COL11A2: variants seen among roughly 807,000 people sequenced by gnomAD.
COL11A2 encodes collagen alpha-2(XI) chain.
COL11A2 carries 116 observed loss-of-function variants against 273.4 expected under a neutral mutation model. The ratio of observed to expected loss-of-function variants is 0.42; its 90% CI spans 0.36 to 0.49. COL11A2 has a LOEUF of 0.49. Among genes scored for constraint, COL11A2 ranks in the 20% least tolerant of loss-of-function variants. The pLI is 0.00. For synonymous variants in COL11A2, 782 were observed against 864.2 expected, an observed-to-expected ratio of 0.90 and a Z score of 1.67; for missense variants, 1,866 against 2,309.0, an observed-to-expected ratio of 0.81 and a Z score of 3.93.
Position 33,179,900 on chromosome 6 carries a change from C to A in COL11A2, c.1360-95G>T. 8.6e-7 allele frequency: 1 copy of A among 1,167,398 alleles called. No individual in the cohort carries two copies. Among genetic ancestry groups the A allele is most frequent in the East Asian group, 2.4e-5 (1 of 42,360 alleles). 72.3% of individuals were successfully genotyped at this position (1,167,398 alleles called of 1,614,324 possible). ...TCTCCAGCGTTTCTGCCCCTTGCCC[C>A]AGGTTCTGCCCATCCAGCATTTCCC... On this transcript the variant is annotated intron_variant, in intron 12 of 65. Transcript: ENST00000341947. The surrounding 1 kb of genome is among the most constrained non-coding windows in gnomAD (Gnocchi z 6.4).
intron 3 of COL11A2, 57 bp downstream of exon 3, chr6:33,188,921 G>A: frequency 6.3e-7 from 1 of 1,584,172 alleles, no homozygotes; most frequent in East Asian, 2.2e-5. Context: ...TAGGGGTTTG[G>A]GGGCACTTCC....
chr6:33,184,998 A>G lies in COL11A2; in HGVS notation c.933T>C (p.Leu311=). 6.4e-7 allele frequency: 1 copy of G among 1,551,160 alleles called. No individual in the cohort carries two copies. The highest frequency in any genetic ancestry group is 8.7e-7 in the Non-Finnish European group (1 of 1,146,650). Residue 311 remains leucine (L), a synonymous_variant, in exon 7 of 66, where the codon CTT becomes CTC. Transcript: ENST00000341947. ...EILESSLLPP[L]EEEQTDLQVP... ...GGGTGGGGCATAGAGTTACCTCCTC[A>G]AGGGGTGGCAAGAGGCTCGACTCCA...
rs530248750 is a variant in COL11A2, at chr6:33,173,800, G to A, written c.2584-55C>T. On this transcript the variant is annotated intron_variant, in intron 34 of 65. Coordinates refer to ENST00000341947, the MANE Select transcript of COL11A2 (RefSeq NM_080680.3). This position sits in a 1 kb window ranked among gnomAD's most constrained non-coding sequence, Gnocchi z 6.3. ...GAAGAGCTGCTTTCCAGCTGTCCCC[G>A]AGGTCAGGATGTTGAGGGAGAGCTG... The A allele has an allele frequency of 1.3e-4, 203 of 1,608,764 alleles. 1 individual carries two copies. The highest frequency in any genetic ancestry group is 1.1e-3 in the African/African-American group (82 of 74,884).
chr6:33,185,068 G>A lies in COL11A2; in HGVS notation c.877-14C>T. The A allele has an allele frequency of 6.5e-7, 1 of 1,544,976 alleles. No homozygotes were observed. Among genetic ancestry groups the A allele is most frequent in the Non-Finnish European group, 8.8e-7 (1 of 1,141,054 alleles). ...TGGGGTGGGGTCCTGACCCCAAGGAGAGAAGGAGAAGAGTAGCACGGGGTG... is the reference window on the plus strand; with the variant it reads ...TGGGGTGGGGTCCTGACCCCAAGGAAAGAAGGAGAAGAGTAGCACGGGGTG... On this transcript the variant is annotated splice_polypyrimidine_tract_variant and intron_variant, in intron 6 of 65. Coordinates refer to ENST00000341947, the MANE Select transcript of COL11A2 (RefSeq NM_080680.3).
Position 33,178,637 on chromosome 6 carries a change from G to T in COL11A2, c.1719+42C>A. The T allele has an allele frequency of 1.2e-6, 2 of 1,610,380 alleles. No homozygotes were observed. Among genetic ancestry groups the T allele is most frequent in the Non-Finnish European group, 1.7e-6 (2 of 1,177,914 alleles). Reference sequence around the variant, plus strand: ...CCTACCTATCCTCACTCCCATAGAAGATCTATCCCCAATTACAACACACAC... The same window carrying T: ...CCTACCTATCCTCACTCCCATAGAATATCTATCCCCAATTACAACACACAC... On this transcript the variant is annotated intron_variant, in intron 18 of 65. Transcript: ENST00000341947. This position sits in a 1 kb window ranked among gnomAD's most constrained non-coding sequence, Gnocchi z 4.6.
Position 33,178,142 on chromosome 6 carries a change from G to A in COL11A2, c.1862C>T (p.Pro621Leu). Reference protein sequence around the residue: ...LLGPKGPPGIPGPPGVRGMDG... With the variant: ...LLGPKGPPGILGPPGVRGMDG... ...CAGGGAGTCACTTACAGGGGGTCCA[G>A]GAATACCAGGTGGGCCTTTGGGGCC... Residue 621 changes from proline (P) to leucine (L), a missense_variant, in exon 21 of 66, where the codon CCT (proline) becomes CTT (leucine). Coordinates refer to ENST00000341947, the MANE Select transcript of COL11A2 (RefSeq NM_080680.3). This position sits in a 1 kb window ranked among gnomAD's most constrained non-coding sequence, Gnocchi z 4.6. 6.2e-7 allele frequency: 1 copy of A among 1,609,870 alleles called. No individual in the cohort carries two copies.
intron 8 of COL11A2, among the ~76,000 whole-genome samples, chr6:33,181,510 T>TGTC (rs1434173871): frequency 6.6e-6 from 1 of 152,154 alleles, no homozygotes; most frequent in Non-Finnish European, 1.5e-5. Flanking sequence ...AGTCTTGCTC[T>TGTC]GTCACCCAGG....
Position 33,163,631 on chromosome 6 carries a change from T to C in COL11A2, c.*47A>G. The C allele has an allele frequency of 6.2e-7, 1 of 1,612,890 alleles. No homozygotes were observed. The highest frequency in any genetic ancestry group is 8.5e-7 in the Non-Finnish European group (1 of 1,179,880). On this transcript the variant is annotated 3_prime_UTR_variant, in exon 66 of 66. Transcript: ENST00000341947. The surrounding 1 kb of genome is among the most constrained non-coding windows in gnomAD (Gnocchi z 4.1). ...TGGCACAGAGCTGATGTTGTGGGAT[T>C]CCAGGTGGGCCTGGTTCCGAATGGA...
chr6:33,171,661 C>T, intron 42 of COL11A2, 52 bp downstream of exon 42: 1 of 1,598,684 alleles, frequency 6.3e-7, no homozygotes, highest in African/African-American at 1.3e-5. Context: ...CCCATCAACC[C>T]TAGGCTCACA....
At chr6:33,175,938 A>C in intron 29 of COL11A2, 78 bp downstream of exon 29, 1 of 1,542,566 alleles carries the variant, frequency 6.5e-7, no homozygotes, top group Non-Finnish European at 9.0e-7. Flanking sequence ...ACTCAGGAGA[A>C]TAAACCGGTG....
Position 33,178,160 on chromosome 6 carries a change from T to C in COL11A2, c.1844A>G (p.Lys615Arg). 1 of 1,610,776 alleles carries C rather than the reference T, an allele frequency of 6.2e-7. No individual in the cohort carries two copies. Residue 615 changes from lysine (K) to arginine (R), a missense_variant, in exon 21 of 66, where the codon AAA becomes AGA. Lys to Arg is a conservative substitution (Grantham distance 26). Transcript: ENST00000341947. The surrounding 1 kb of genome is among the most constrained non-coding windows in gnomAD (Gnocchi z 4.6). ...GGGTCCAGGAATACCAGGTGGGCCT[T>C]TGGGGCCAAGGAGACCTCGAGGTCC... The part of the protein sequence containing the change: ...ESGPRGLLGP[K>R]GPPGIPGPPG...
Position 33,179,389 on chromosome 6 carries a change from C to T in COL11A2, c.1503+42G>A. The T allele has an allele frequency of 1.3e-6, 2 of 1,568,140 alleles. No homozygotes were observed. The highest frequency in any genetic ancestry group is 1.7e-6 in the Non-Finnish European group (2 of 1,156,610). ...TTTCCAGAACTATCCACACCCCACA[C>T]ACAATTAAAGCATCCTCCACCCGAG... On this transcript the variant is annotated intron_variant, in intron 14 of 65. Coordinates refer to ENST00000341947, the MANE Select transcript of COL11A2 (RefSeq NM_080680.3). This position sits in a 1 kb window ranked among gnomAD's most constrained non-coding sequence, Gnocchi z 6.4.
At position 33,164,165 on chromosome 6, in the gene COL11A2, C is replaced by CCT; in HGVS notation, c.5070+100_5070+101dup. ...CCCTGACAATCCAGCAGGACGGACT[C>CCT]CTCCCTGCTCCCCCTGGGTGCCCTG... On this transcript the variant is annotated intron_variant, in intron 65 of 65. Transcript: ENST00000341947. The surrounding 1 kb of genome is among the most constrained non-coding windows in gnomAD (Gnocchi z 4.7). The CCT allele has an allele frequency of 7.4e-7, 1 of 1,359,430 alleles. No individual in the cohort carries two copies. The highest frequency in any genetic ancestry group is 1.0e-6 in the Non-Finnish European group (1 of 988,014). 84.2% of individuals were successfully genotyped at this position (1,359,430 alleles called of 1,614,324 possible).
chr6:33,178,660 C>T lies in COL11A2; in HGVS notation c.1719+19G>A, dbSNP rs752762822. 2.6e-5 allele frequency: 42 copies of T among 1,612,566 alleles called. No individual in the cohort carries two copies. The highest frequency in any genetic ancestry group is 3.2e-5 in the Non-Finnish European group (38 of 1,179,812). On this transcript the variant is annotated intron_variant, in intron 18 of 65. Coordinates refer to ENST00000341947, the MANE Select transcript of COL11A2 (RefSeq NM_080680.3). This position sits in a 1 kb window ranked among gnomAD's most constrained non-coding sequence, Gnocchi z 4.6. The stretch of plus-strand genomic sequence containing the variant: ...AAGATCTATCCCCAATTACAACACA[C>T]ACCCACTAATGTACTCACCCTATGG...
Position 33,165,406 on chromosome 6 carries a change from G to A in COL11A2, c.4750+143C>T. On this transcript the variant is annotated intron_variant, in intron 63 of 65. Coordinates refer to ENST00000341947, the MANE Select transcript of COL11A2 (RefSeq NM_080680.3). The surrounding 1 kb of genome is among the most constrained non-coding windows in gnomAD (Gnocchi z 7.7). ...AAAGTATTGGGATACTTCTGACCTG[G>A]TTAGTAAATAGCTGCAGTTCCCAGC... The A allele has an allele frequency of 7.9e-7, 1 of 1,268,880 alleles. No homozygotes were observed. The highest frequency in any genetic ancestry group is 1.2e-5 in the South Asian group (1 of 80,594). The allele number at this position is 1,268,880 out of a possible 1,614,324, so 78.6% of individuals were successfully genotyped here. A position where few individuals can be genotyped will look rare whatever the true frequency, so the allele number is the denominator to read the frequency against.
In COL11A2 at chr6:33,186,669, T is replaced by C. The variant is rs779132352; in HGVS notation, c.756A>G (p.Pro252=). Residue 252 remains proline, a synonymous_variant, in exon 5 of 66, where the codon CCA becomes CCG. Coordinates refer to ENST00000341947, the MANE Select transcript of COL11A2 (RefSeq NM_080680.3). ...GATTTTGTGGCCTGTGAAGTCTTGA[T>C]GGTTGCTGCTGTGGAGATCTCTGGG... ...HRAQRSPQQQ[P]SRLHRPQNQE... is the part of the protein sequence containing the mutation. 2 of 1,614,106 alleles carry C rather than the reference T, an allele frequency of 1.2e-6. No individual in the cohort carries two copies. The highest frequency in any genetic ancestry group is 2.2e-5 in the South Asian group (2 of 91,082).
At position 33,166,433 on chromosome 6, in the gene COL11A2, C is replaced by T. The variant is rs527251004; in HGVS notation, c.4392+80G>A. The T allele has an allele frequency of 6.6e-7, 1 of 1,516,444 alleles. No homozygotes were observed. The highest frequency in any genetic ancestry group is 2.3e-5 in the East Asian group (1 of 44,288). The allele number at this position is 1,516,444 out of a possible 1,614,324, so 93.9% of individuals were successfully genotyped here. On this transcript the variant is annotated intron_variant, in intron 60 of 65. Transcript: ENST00000341947. This position sits in a 1 kb window ranked among gnomAD's most constrained non-coding sequence, Gnocchi z 4.8. ...GACTATGCTTGTTAGGCTGGTAGTTCCATGGAAGTCGTTGGGAGGCTGTGG... is the reference window on the plus strand; with the variant it reads ...GACTATGCTTGTTAGGCTGGTAGTTTCATGGAAGTCGTTGGGAGGCTGTGG...
intron 1 of COL11A2, 102 bp downstream of exon 1, chr6:33,192,057 T>G (rs1773184104): frequency 2.7e-6 from 3 of 1,105,296 alleles, no homozygotes. Flanking sequence ...ATCTCCTTGT[T>G]AGACTCAGAA....
Position 33,176,717 on chromosome 6 carries a change from T to C in COL11A2, c.2115+4A>G. ...TCAGGGGATAAAGACATGGAAGATC[T>C]CACCTGGTTTCCTTTGGTTCCAGGG... is the stretch of plus-strand genomic sequence containing the variant. On this transcript the variant is annotated splice_donor_region_variant and intron_variant, in intron 26 of 65. Transcript: ENST00000341947. The surrounding 1 kb of genome is among the most constrained non-coding windows in gnomAD (Gnocchi z 4.9). The C allele has an allele frequency of 6.2e-7, 1 of 1,612,844 alleles. No individual in the cohort carries two copies. The highest frequency in any genetic ancestry group is 8.5e-7 in the Non-Finnish European group (1 of 1,179,414).
Sources: gnomAD v4.1 joint callset for allele counts (sites outside exome capture counted in the v4.1 genomes callset) on GRCh38, gnomAD v4.1.1 for gene constraint, Gnocchi (gnomAD v3.1) non-coding constraint, MANE v1.5 for transcripts, NCBI Gene and HGNC (gene_info 2026-07-23, HGNC 2026-07-21) for gene names.